Variants in AGAP1 observed in about 807,000 individuals in gnomAD.
AGAP1 encodes the protein arf-GAP with GTPase, ANK repeat and PH domain-containing protein 1.
Under a neutral mutation model 105.3 loss-of-function variants are expected in AGAP1, and 29 were observed. The ratio of observed to expected loss-of-function variants is 0.28; its 90% CI spans 0.21 to 0.38. AGAP1 has a LOEUF of 0.38. Among genes scored for constraint, AGAP1 ranks in the 10% least tolerant of loss-of-function variants. The pLI, the probability that AGAP1 is intolerant of heterozygous loss-of-function variation, is 1.00. For missense variants in AGAP1, 998 were observed against 1,165.1 expected (o/e 0.86, Z 2.09); for synonymous variants, 509 against 485.9 (o/e 1.05, Z -0.63).
chr2:235,932,804 C>T (rs909151433), intron 12 of AGAP1, among the ~76,000 whole-genome samples: 2 of 152,230 alleles, frequency 1.3e-5, no homozygotes, highest in Non-Finnish European at 2.9e-5. Flanking sequence ...ACCGCCACAT[C>T]GTGAGACACT....
rs1022880965 is a variant in AGAP1 at position 235,936,122 on chromosome 2, A to G, written c.1483+5199A>G. ...CCATCCCCGATTGCTTCAGTCCAAC[A>G]GTTTATCTTCTGCCACGCTGACTGG... On this transcript the variant is annotated intron_variant, in intron 12 of 17. Transcript: ENST00000304032. This position sits in a 1 kb window ranked among gnomAD's most constrained non-coding sequence, Gnocchi z 4.7. Among the ~76,000 whole-genome samples the G allele has an allele frequency of 2.6e-5, 4 of 152,178 alleles. No homozygotes were observed.
intron 1 of AGAP1, among the ~76,000 whole-genome samples, chr2:235,528,079 T>C (rs1485824447): frequency 1.3e-5 from 2 of 152,230 alleles, no homozygotes; most frequent in Non-Finnish European, 2.9e-5. Flanking sequence ...CTCTTTGTGA[T>C]GTTGTCCTGG....
intron 11 of AGAP1, among the ~76,000 whole-genome samples, chr2:235,921,794 G>A (rs983128933): frequency 4.6e-5 from 7 of 152,214 alleles, no homozygotes; most frequent in African/African-American, 1.4e-4. Flanking sequence ...GCAGAGTCCC[G>A]AATGCCTACA....
rs1051407953 is a variant in AGAP1 at position 235,836,799 on chromosome 2, C to G, written c.1050+29468C>G. Among the ~76,000 whole-genome samples, 4 of 152,286 alleles carry G rather than the reference C, an allele frequency of 2.6e-5. No individual in the cohort carries two copies. In the East Asian group the frequency reaches 5.8e-4, roughly 22 times the overall value. On this transcript the variant is annotated intron_variant, in intron 9 of 17. Transcript: ENST00000304032. ...GGTATGTTTTCTAAAGCTCCCTCCTCGAGATAGAGAACTATGACCCAGGCC... is the reference window on the plus strand; with the variant it reads ...GGTATGTTTTCTAAAGCTCCCTCCTGGAGATAGAGAACTATGACCCAGGCC...
rs2059431728 is a variant in AGAP1, at chr2:236,104,336, G to A, written c.2115-15856G>A. Among the ~76,000 whole-genome samples the A allele has an allele frequency of 6.6e-6, 1 of 152,238 alleles. No individual in the cohort carries two copies. Among genetic ancestry groups the A allele is most frequent in the African/African-American group, 2.4e-5 (1 of 41,472 alleles). ...TCCTGTTCCATCCCCAGTGCCCTCT[G>A]ACTGCACGGGGCTGAGAAGTCCCCC... On this transcript the variant is annotated intron_variant, in intron 16 of 17. Transcript: ENST00000304032. This position sits in a 1 kb window ranked among gnomAD's most constrained non-coding sequence, Gnocchi z 4.7.
At chr2:235,501,437 A>C (rs1374326951) in intron 1 of AGAP1, among the ~76,000 whole-genome samples, 3 of 152,238 alleles carry the variant, frequency 2.0e-5, no homozygotes, top group African/African-American at 7.2e-5. Flanking sequence ...TTCCAAGCTG[A>C]AAGCGCGTTT....
At chr2:236,048,564 C>A (rs1414996456) in intron 15 of AGAP1, among the ~76,000 whole-genome samples, 1 of 152,178 alleles carries the variant, frequency 6.6e-6, no homozygotes, top group Non-Finnish European at 1.5e-5. Context: ...TGCAAGCATG[C>A]CCGTTGTGTA....
chr2:235,571,774 G>A (rs1200762728), intron 1 of AGAP1, among the ~76,000 whole-genome samples: 1 of 151,860 alleles, frequency 6.6e-6, no homozygotes, highest in Non-Finnish European at 1.5e-5. Flanking sequence ...CCCCAACAGA[G>A]TGGCCCTCCA....
chr2:235,617,113 T>C (rs1456123580), intron 1 of AGAP1, among the ~76,000 whole-genome samples: 1 of 152,120 alleles, frequency 6.6e-6, no homozygotes, highest in Non-Finnish European at 1.5e-5. Flanking sequence ...TACCAGGGAA[T>C]TGTGACTTTA....
At chr2:235,948,969 C>T (rs57717783) in intron 12 of AGAP1, among the ~76,000 whole-genome samples, 5,631 of 152,254 alleles carry the variant, frequency 0.037, 337 homozygotes, top group African/African-American at 0.13. Flanking sequence ...GTCCACAATA[C>T]GATGAATCAC....
At chr2:236,017,433 A>G (rs1267073275) in intron 13 of AGAP1, among the ~76,000 whole-genome samples, 3 of 151,710 alleles carry the variant, frequency 2.0e-5, no homozygotes, top group Non-Finnish European at 4.4e-5. Context: ...GAAAATTTGT[A>G]TCCTGAACAT....
chr2:235,539,494 C>T (rs1943362209), intron 1 of AGAP1, among the ~76,000 whole-genome samples: 1 of 152,182 alleles, frequency 6.6e-6, no homozygotes, highest in South Asian at 2.1e-4. Flanking sequence ...GCCATGCTGC[C>T]TCCTTCCTTG....
chr2:235,859,904 G>A (rs929164245), intron 9 of AGAP1, among the ~76,000 whole-genome samples: 1 of 152,170 alleles, frequency 6.6e-6, no homozygotes, highest in Non-Finnish European at 1.5e-5. Context: ...GCTGTGCGCA[G>A]CGCCTTCCAC....
chr2:235,753,418 A>T lies in AGAP1; in HGVS notation c.673+2930A>T, dbSNP rs1235177217. Among the ~76,000 whole-genome samples the T allele has an allele frequency of 2.0e-5, 3 of 151,902 alleles. No individual in the cohort carries two copies. Among genetic ancestry groups the T allele is most frequent in the Admixed American group, 2.0e-4 (3 of 15,236 alleles). On this transcript the variant is annotated intron_variant, in intron 6 of 17. Coordinates refer to ENST00000304032, the MANE Select transcript of AGAP1 (RefSeq NM_001037131.3). This position sits in a 1 kb window ranked among gnomAD's most constrained non-coding sequence, Gnocchi z 4.5. ...TAATACACTCTCATTATGTATTCGG[A>T]TTTTGGCTGGGCGCAGTGGCTCAGG...
rs1215755558 is a variant in AGAP1, at chr2:235,887,608, G to A, written c.1155+4159G>A. Reference sequence around the variant, plus strand: ...TCCAACACAAGAGCCCCCGGAGCAGGGGCCTGCATTGATCTCATATAGCAT... The same window carrying A: ...TCCAACACAAGAGCCCCCGGAGCAGAGGCCTGCATTGATCTCATATAGCAT... On this transcript the variant is annotated intron_variant, in intron 10 of 17. Coordinates refer to ENST00000304032, the MANE Select transcript of AGAP1 (RefSeq NM_001037131.3). The surrounding 1 kb of genome is among the most constrained non-coding windows in gnomAD (Gnocchi z 4.1). 6.6e-6 allele frequency among the ~76,000 whole-genome samples: 1 copy of A among 152,170 alleles called. No individual in the cohort carries two copies. Among genetic ancestry groups the A allele is most frequent in the Non-Finnish European group, 1.5e-5 (1 of 68,032 alleles).
rs2058222671 is a variant in AGAP1, at chr2:236,062,367, C to T, written c.2114+13086C>T. On this transcript the variant is annotated intron_variant, in intron 16 of 17. Coordinates refer to ENST00000304032, the MANE Select transcript of AGAP1 (RefSeq NM_001037131.3). The surrounding 1 kb of genome is among the most constrained non-coding windows in gnomAD (Gnocchi z 4.2). ...CTGACCTCCCTAGAGGAAGCCATGG[C>T]CAGAGGGGAGGGGAGGGAGGCAGAG... is the stretch of plus-strand genomic sequence containing the variant. Among the ~76,000 whole-genome samples, 1 of 151,928 alleles carries T rather than the reference C, an allele frequency of 6.6e-6. No homozygotes were observed. The highest frequency in any genetic ancestry group is 1.5e-5 in the Non-Finnish European group (1 of 67,982).
At position 235,665,838 on chromosome 2, in the gene AGAP1, G is replaced by A. The variant is rs996464600; in HGVS notation, c.164-43341G>A. On this transcript the variant is annotated intron_variant, in intron 1 of 17. Transcript: ENST00000304032. This position sits in a 1 kb window ranked among gnomAD's most constrained non-coding sequence, Gnocchi z 5.3. ...ACGTGATTACTGGCTGTCAGGTTCT[G>A]TTATTTGGAAAGCCAGCCTGTGTAG... 6.6e-6 allele frequency among the ~76,000 whole-genome samples: 1 copy of A among 152,142 alleles called. No individual in the cohort carries two copies. Among genetic ancestry groups the A allele is most frequent in the African/African-American group, 2.4e-5 (1 of 41,432 alleles).
intron 10 of AGAP1, among the ~76,000 whole-genome samples, chr2:235,886,895 G>T (rs1042918693): frequency 6.9e-6 from 1 of 145,580 alleles, no homozygotes; most frequent in South Asian, 2.1e-4. Flanking sequence ...ATACGAGTCC[G>T]TTCTGTTGTG....
rs940952546 is a variant in AGAP1 at position 236,005,304 on chromosome 2, T to A, written c.1646-31257T>A. Among the ~76,000 whole-genome samples the A allele has an allele frequency of 7.9e-5, 12 of 152,008 alleles. No individual in the cohort carries two copies. Among genetic ancestry groups the A allele is most frequent in the Non-Finnish European group, 1.6e-4 (11 of 68,008 alleles). On this transcript the variant is annotated intron_variant, in intron 13 of 17. Transcript: ENST00000304032. This position sits in a 1 kb window ranked among gnomAD's most constrained non-coding sequence, Gnocchi z 4.1. ...GGGACTACAGGAGTGTGCCACCGGC[T>A]AATTTTTTTTATTTTTGGTAGAAAC...
Sources: gnomAD v4.1 joint callset for allele counts (sites outside exome capture counted in the v4.1 genomes callset) on GRCh38, gnomAD v4.1.1 for gene constraint, Gnocchi (gnomAD v3.1) non-coding constraint, MANE v1.5 for transcripts, NCBI Gene and HGNC (gene_info 2026-07-23, HGNC 2026-07-21) for gene names.